Variants in PLB1 observed in about 807,000 individuals in gnomAD.
The protein encoded by PLB1 is phospholipase B1, membrane-associated.
PLB1 carries 242 observed loss-of-function variants against 227.4 expected under a neutral mutation model. That is an observed-to-expected ratio of 1.06 (90% CI 0.96 to 1.18). The LOEUF (loss-of-function observed/expected upper bound fraction) is 1.18, where lower values mean the gene tolerates loss of function less well. Among genes scored for constraint, PLB1 ranks in the 50% most tolerant of loss-of-function variants. The probability of loss-of-function intolerance (pLI) is 0.00; values close to 1 mark genes in which losing one functional copy is unlikely to be tolerated. For missense variants in PLB1, 1,858 were observed against 1,816.3 expected (o/e 1.02, Z -0.42); for synonymous variants, 757 against 682.2 (o/e 1.11, Z -1.71).
intron 25 of PLB1, among the ~76,000 whole-genome samples, chr2:28,584,929 A>G (rs1295380320): frequency 6.6e-6 from 1 of 152,178 alleles, no homozygotes; most frequent in South Asian, 2.1e-4. Context: ...CAACCTTGAG[A>G]AAGTTACTCA....
At chr2:28,598,857 G>A (rs1186342607) in intron 35 of PLB1, 97 bp downstream of exon 35, 5 of 1,053,646 alleles carry the variant, frequency 4.7e-6, no homozygotes, top group Admixed American at 1.7e-5. Context: ...GTGCAAAGGG[G>A]CACTTAGCCA....
At chr2:28,638,826 T>A (rs1171140910) in intron 56 of PLB1, among the ~76,000 whole-genome samples, 3 of 94,622 alleles carry the variant, frequency 3.2e-5, no homozygotes, top group Admixed American at 1.2e-4. Context: ...GGCTGGAGAT[T>A]GAAAAAAAAA....
Position 28,541,820 on chromosome 2 carries a change from G to T in PLB1, c.879+9G>T. 6.2e-7 allele frequency: 1 copy of T among 1,600,016 alleles called. No homozygotes were observed. Among genetic ancestry groups the T allele is most frequent in the Non-Finnish European group, 8.6e-7 (1 of 1,167,554 alleles). ...CCCCATCTCTACACTCGGTAAGTGGGGGCTGCATGGCGTATCAAGAGTGTG... is the reference window on the plus strand; with the variant it reads ...CCCCATCTCTACACTCGGTAAGTGGTGGCTGCATGGCGTATCAAGAGTGTG... On this transcript the variant is annotated intron_variant, in intron 13 of 57. Coordinates refer to ENST00000327757, the MANE Select transcript of PLB1 (RefSeq NM_153021.5).
rs555144908 is a variant in PLB1 at position 28,615,430 on chromosome 2, G to A, written c.3195+1334G>A. Among the ~76,000 whole-genome samples the A allele has an allele frequency of 1.1e-4, 17 of 152,312 alleles. No individual in the cohort carries two copies. In the South Asian group the frequency reaches 3.1e-3, roughly 28 times the overall value. On this transcript the variant is annotated intron_variant, in intron 44 of 57. Transcript: ENST00000327757. ...TGACTGCTATGTGTAGAATGGGTTGGCCATCAGCAGGAGTGATTGGGGAAA... is the reference window on the plus strand; with the variant it reads ...TGACTGCTATGTGTAGAATGGGTTGACCATCAGCAGGAGTGATTGGGGAAA...
intron 41 of PLB1, among the ~76,000 whole-genome samples, chr2:28,604,965 G>C (rs1684459005): frequency 6.6e-6 from 1 of 152,182 alleles, no homozygotes; most frequent in East Asian, 1.9e-4. Flanking sequence ...CCATTGTGTT[G>C]AGCACCTACT....
chr2:28,629,417 C>T (rs1466829259), intron 53 of PLB1, among the ~76,000 whole-genome samples: 2 of 152,218 alleles, frequency 1.3e-5, no homozygotes, highest in Non-Finnish European at 2.9e-5. Flanking sequence ...AGGAGACAGA[C>T]CAAATGATCC....
intron 14 of PLB1, among the ~76,000 whole-genome samples, chr2:28,546,394 C>T (rs1173104578): frequency 6.6e-6 from 1 of 152,092 alleles, no homozygotes; most frequent in African/African-American, 2.4e-5. Flanking sequence ...GCTCACAGTC[C>T]AGGGAGGATT....
intron 1 of PLB1, among the ~76,000 whole-genome samples, chr2:28,500,062 G>A (rs1240348154): frequency 6.6e-6 from 1 of 152,138 alleles, no homozygotes. Context: ...TTATTGAGAT[G>A]ATTGTGTGAC....
intron 21 of PLB1, among the ~76,000 whole-genome samples, chr2:28,577,096 C>T (rs1156540319): frequency 2.6e-5 from 4 of 152,214 alleles, no homozygotes; most frequent in African/African-American, 9.6e-5. Flanking sequence ...TCCCCAACAA[C>T]TCTGTGAAGA....
At chr2:28,641,495 C>A (rs1689972125) in intron 57 of PLB1, among the ~76,000 whole-genome samples, 1 of 152,182 alleles carries the variant, frequency 6.6e-6, no homozygotes, top group African/African-American at 2.4e-5. Flanking sequence ...GTCATCCCAG[C>A]TACTCAGGAG....
intron 21 of PLB1, among the ~76,000 whole-genome samples, chr2:28,575,366 A>AT (rs34736394): frequency 6.6e-6 from 1 of 151,940 alleles, no homozygotes; most frequent in Non-Finnish European, 1.5e-5. Context: ...GATTATTTGG[A>AT]TTTTTTAGAT....
chr2:28,566,541 C>T (rs1024246578), intron 19 of PLB1: 2 of 494,934 alleles, frequency 4.0e-6, no homozygotes, highest in Admixed American at 3.4e-5. Flanking sequence ...ACCAACCTAC[C>T]TCCCCTTCCC....
At chr2:28,576,084 A>C (rs1678878265) in intron 21 of PLB1, among the ~76,000 whole-genome samples, 1 of 150,170 alleles carries the variant, frequency 6.7e-6, no homozygotes, top group Non-Finnish European at 1.5e-5. Flanking sequence ...AGTGTGATTC[A>C]TATGGCCCTG....
chr2:28,565,767 T>C (rs1479333213), intron 19 of PLB1, among the ~76,000 whole-genome samples: 1 of 152,170 alleles, frequency 6.6e-6, no homozygotes, highest in Non-Finnish European at 1.5e-5. Context: ...TGAGCTTCTC[T>C]CCTCATCTCT....
chr2:28,612,947 T>TCTCA, intron 43 of PLB1, among the ~76,000 whole-genome samples: 1 of 150,044 alleles, frequency 6.7e-6, no homozygotes, highest in East Asian at 2.0e-4. Flanking sequence ...TGAAACAGAG[T>TCTCA]CTCACTCTGT....
chr2:28,527,427 G>T (rs1202462218), intron 6 of PLB1, among the ~76,000 whole-genome samples: 1 of 152,216 alleles, frequency 6.6e-6, no homozygotes. Flanking sequence ...GGTCTTCCCA[G>T]AAGAAAGTAC....
At chr2:28,592,586 C>CTT (rs1262089002) in intron 31 of PLB1, 75 bp from the exon 32 acceptor site, 2 of 1,459,744 alleles carry the variant, frequency 1.4e-6, no homozygotes, top group Non-Finnish European at 1.9e-6. Flanking sequence ...TTGGATCTTG[C>CTT]TTGAAGCCAG....
chr2:28,500,804 G>C (rs1338057531), intron 1 of PLB1, among the ~76,000 whole-genome samples: 1 of 152,152 alleles, frequency 6.6e-6, no homozygotes, highest in African/African-American at 2.4e-5. Context: ...TAATCTGTGT[G>C]TTGTAATCCA....
intron 17 of PLB1, among the ~76,000 whole-genome samples, chr2:28,560,938 G>A (rs1252997151): frequency 1.3e-5 from 2 of 152,000 alleles, no homozygotes; most frequent in East Asian, 1.9e-4. Flanking sequence ...ATCCAAGCTC[G>A]ACCCTACCAC....
Sources: gnomAD v4.1 joint callset for allele counts (sites outside exome capture counted in the v4.1 genomes callset) on GRCh38, gnomAD v4.1.1 for gene constraint, MANE v1.5 for transcripts, NCBI Gene and HGNC (gene_info 2026-07-23, HGNC 2026-07-21) for gene names.